DCLK1: variants seen among roughly 807,000 people sequenced by gnomAD.
DCLK1 encodes the protein doublecortin like kinase 1, also known as serine/threonine-protein kinase DCLK1.
Under a neutral mutation model 86.2 loss-of-function variants are expected in DCLK1, and 16 were observed. The ratio of observed to expected loss-of-function variants is 0.19; its 90% CI spans 0.13 to 0.28. The LOEUF (loss-of-function observed/expected upper bound fraction) is 0.28, where lower values mean the gene tolerates loss of function less well. Ranked by LOEUF, DCLK1 falls within the 10% of genes least tolerant of loss-of-function variation. The probability of loss-of-function intolerance (pLI) is 1.00; values close to 1 mark genes in which losing one functional copy is unlikely to be tolerated. For missense variants in DCLK1, 590 were observed against 940.2 expected (o/e 0.63, Z 4.87); for synonymous variants, 369 against 370.5 (o/e 1.00, Z 0.05).
At chr13:36,070,255 A>T (rs1273318894) in intron 3 of DCLK1, among the ~76,000 whole-genome samples, 1 of 152,180 alleles carries the variant, frequency 6.6e-6, no homozygotes. Context: ...TTTAACAAGG[A>T]CGTAATACGA....
intron 3 of DCLK1, among the ~76,000 whole-genome samples, chr13:35,987,034 T>C (rs1257222162): frequency 6.6e-6 from 1 of 152,176 alleles, no homozygotes; most frequent in African/African-American, 2.4e-5. Flanking sequence ...ATATTTTGTG[T>C]AGAAAAGTAT....
intron 3 of DCLK1, among the ~76,000 whole-genome samples, chr13:35,962,406 C>G (rs1878508666): frequency 6.6e-6 from 1 of 152,100 alleles, no homozygotes; most frequent in Non-Finnish European, 1.5e-5. Flanking sequence ...CCACGGAACA[C>G]CAAAGATTGC....
At chr13:35,816,825 A>T (rs57850306) in intron 11 of DCLK1, among the ~76,000 whole-genome samples, 24,551 of 151,962 alleles carry the variant, frequency 0.16, 2,996 homozygotes, top group African/African-American at 0.33. Flanking sequence ...TTTTTTCCTC[A>T]TACTGCAAAA....
At chr13:35,848,397 T>C in intron 6 of DCLK1, 1 of 985,198 alleles carries the variant, frequency 1.0e-6, no homozygotes, top group Non-Finnish European at 1.2e-6. Flanking sequence ...TGGTGTGCTG[T>C]TTCAATCTCT....
At chr13:35,861,995 C>T (rs112805085) in intron 5 of DCLK1, among the ~76,000 whole-genome samples, 15,964 of 147,508 alleles carry the variant, frequency 0.11, 1,083 homozygotes, top group Middle Eastern at 0.18. Context: ...TTGCGCCCAC[C>T]GCACTCCAGC....
At chr13:36,055,821 T>C (rs912600692) in intron 3 of DCLK1, among the ~76,000 whole-genome samples, 1 of 152,186 alleles carries the variant, frequency 6.6e-6, no homozygotes, top group African/African-American at 2.4e-5. Context: ...TTTAAAACAG[T>C]ATTAAAAATA....
chr13:35,985,958 A>C (rs142167488), intron 3 of DCLK1, among the ~76,000 whole-genome samples: 1 of 152,300 alleles, frequency 6.6e-6, no homozygotes, highest in East Asian at 1.9e-4. Context: ...AACAATCGTA[A>C]TCAGAGAGTG....
chr13:36,093,317 T>C (rs1884902772), intron 3 of DCLK1, among the ~76,000 whole-genome samples: 2 of 152,230 alleles, frequency 1.3e-5, no homozygotes, highest in African/African-American at 2.4e-5. Flanking sequence ...AGTCATCATG[T>C]GGGTAAAACC....
At chr13:35,830,061 C>T (rs2153106534) in intron 8 of DCLK1, among the ~76,000 whole-genome samples, 1 of 152,280 alleles carries the variant, frequency 6.6e-6, no homozygotes, top group Non-Finnish European at 1.5e-5. Flanking sequence ...GGAGAAGGCA[C>T]TGGAGTGTAA....
intron 3 of DCLK1, among the ~76,000 whole-genome samples, chr13:36,083,861 C>G (rs1270319682): frequency 1.3e-5 from 2 of 152,156 alleles, no homozygotes; most frequent in African/African-American, 2.4e-5. Flanking sequence ...CTATTAAACA[C>G]AGGATTAGTG....
chr13:35,845,318 T>A (rs1331334894), intron 6 of DCLK1, among the ~76,000 whole-genome samples: 1 of 152,192 alleles, frequency 6.6e-6, no homozygotes, highest in Non-Finnish European at 1.5e-5. Context: ...TCCTTTTCTA[T>A]CCTTTTGGAA....
At chr13:35,937,172 A>C (rs1228135270) in intron 4 of DCLK1, among the ~76,000 whole-genome samples, 1 of 150,488 alleles carries the variant, frequency 6.6e-6, no homozygotes, top group Non-Finnish European at 1.5e-5. Flanking sequence ...ACGGGGTTTC[A>C]TTGTGCTGGC....
chr13:35,805,425 T>C, intron 15 of DCLK1: 1 of 336,992 alleles, frequency 3.0e-6, no homozygotes, highest in Non-Finnish European at 5.4e-6. Context: ...GCCTCCTGAG[T>C]AGCTGGGACC....
At chr13:36,074,224 C>G (rs1217973971) in intron 3 of DCLK1, among the ~76,000 whole-genome samples, 1 of 151,914 alleles carries the variant, frequency 6.6e-6, no homozygotes, top group Admixed American at 6.5e-5. Flanking sequence ...AGAAGACGGC[C>G]GGGCGTGGTG....
At position 35,836,154 on chromosome 13, in the gene DCLK1, T is replaced by C. The variant is rs1450865830; in HGVS notation, c.1121-13A>G. ...TCCTCCGACACTTCTGAAAGAATCATTAATACTTTTTTATTGGTTGAAAAG... is the reference window on the plus strand; with the variant it reads ...TCCTCCGACACTTCTGAAAGAATCACTAATACTTTTTTATTGGTTGAAAAG... On this transcript the variant is annotated splice_polypyrimidine_tract_variant and intron_variant, in intron 7 of 16. Coordinates refer to ENST00000360631, the MANE Select transcript of DCLK1 (RefSeq NM_001330071.2). 1 of 1,593,754 alleles carries C rather than the reference T, an allele frequency of 6.3e-7. No homozygotes were observed. Among genetic ancestry groups the C allele is most frequent in the South Asian group, 1.1e-5 (1 of 88,204 alleles).
At chr13:35,860,483 G>T (rs1047861948) in intron 5 of DCLK1, among the ~76,000 whole-genome samples, 1 of 152,072 alleles carries the variant, frequency 6.6e-6, no homozygotes, top group Admixed American at 6.5e-5. Flanking sequence ...CTTGAACTGA[G>T]ACAATGGGTC....
At chr13:35,876,440 A>G (rs1872597331) in intron 4 of DCLK1, among the ~76,000 whole-genome samples, 1 of 152,260 alleles carries the variant, frequency 6.6e-6, no homozygotes, top group Non-Finnish European at 1.5e-5. Flanking sequence ...GCCAAGCCGT[A>G]AATTATAAAA....
At chr13:35,868,603 C>A (rs1015563416) in intron 5 of DCLK1, among the ~76,000 whole-genome samples, 1 of 152,062 alleles carries the variant, frequency 6.6e-6, no homozygotes, top group Non-Finnish European at 1.5e-5. Flanking sequence ...AGTATTGATA[C>A]TATTCATTAA....
At chr13:36,039,514 C>G (rs755803103) in intron 3 of DCLK1, among the ~76,000 whole-genome samples, 1 of 152,080 alleles carries the variant, frequency 6.6e-6, no homozygotes, top group Non-Finnish European at 1.5e-5. Flanking sequence ...TCTTCTAAAG[C>G]TAAACCAGAG....
Sources: gnomAD v4.1 joint callset for allele counts (sites outside exome capture counted in the v4.1 genomes callset) on GRCh38, gnomAD v4.1.1 for gene constraint, MANE v1.5 for transcripts, NCBI Gene and HGNC (gene_info 2026-07-23, HGNC 2026-07-21) for gene names.